PPP1R1C: variants seen among roughly 807,000 people sequenced by gnomAD.
PPP1R1C encodes the protein protein phosphatase 1 regulatory subunit 1C.
Under a neutral mutation model 17.4 loss-of-function variants are expected in PPP1R1C, and 15 were observed. The ratio of observed to expected loss-of-function variants is 0.86; its 90% CI spans 0.58 to 1.33. The LOEUF (loss-of-function observed/expected upper bound fraction) is 1.33. PPP1R1C is among the 40% of genes most tolerant of loss of function. The pLI, the probability that PPP1R1C is intolerant of heterozygous loss-of-function variation, is 0.00. For synonymous variants in PPP1R1C, 35 were observed against 43.1 expected (o/e 0.81, Z 0.73); for missense variants, 143 against 130.0 (o/e 1.10, Z -0.48).
rs555291360 is a variant in PPP1R1C at position 182,094,681 on chromosome 2, T to C, written c.242-22526T>C. Among the ~76,000 whole-genome samples, 5 of 152,294 alleles carry C rather than the reference T, an allele frequency of 3.3e-5. No homozygotes were observed. In the East Asian group the frequency reaches 5.8e-4, roughly 18 times the overall value. ...GATTTTGCCCAACTGTAGGCTAATG[T>C]AAGTGTTTAGGCTGGAGGTTGCACT... On this transcript the variant is annotated intron_variant, in intron 4 of 4. Transcript: ENST00000682840.
intron 2 of PPP1R1C, among the ~76,000 whole-genome samples, chr2:182,016,868 G>A (rs1686276681): frequency 6.6e-6 from 1 of 152,148 alleles, no homozygotes; most frequent in Admixed American, 6.5e-5. Flanking sequence ...TTAGACATCT[G>A]TTTAAGTTTT....
chr2:182,052,677 C>T (rs559572626), intron 2 of PPP1R1C, among the ~76,000 whole-genome samples: 1 of 152,166 alleles, frequency 6.6e-6, no homozygotes, highest in Non-Finnish European at 1.5e-5. Flanking sequence ...CTTCACTGCT[C>T]AACTTGCCCT....
rs1684791177 is a variant in PPP1R1C at position 181,961,380 on chromosome 2, C to G, written n.111+6746C>G. 5.6e-6 allele frequency: 4 copies of G among 717,230 alleles called. No homozygotes were observed. The highest frequency in any genetic ancestry group is 5.0e-6 in the Non-Finnish European group (2 of 396,582). 44.4% of individuals were successfully genotyped at this position (717,230 alleles called of 1,614,324 possible). On this transcript the variant is annotated intron_variant and non_coding_transcript_variant, in intron 1 of 5. Transcript: ENST00000464264. This position sits in a 1 kb window ranked among gnomAD's most constrained non-coding sequence, Gnocchi z 5.8. ...CAGCCTCCAGCTTGACCTTGATGTT[C>G]AGCAGAGCCTCGTACTCCCCGATCT... is the stretch of plus-strand genomic sequence containing the variant.
chr2:182,041,356 C>T (rs1476975812), intron 2 of PPP1R1C, among the ~76,000 whole-genome samples: 1 of 152,142 alleles, frequency 6.6e-6, no homozygotes, highest in African/African-American at 2.4e-5. Context: ...CGCCTGTAAT[C>T]CCAGCATTTT....
At chr2:181,969,685 A>T (rs78063064) in intron 1 of PPP1R1C, among the ~76,000 whole-genome samples, 2,485 of 152,232 alleles carry the variant, frequency 0.016, 59 homozygotes, top group African/African-American at 0.057. Flanking sequence ...ATTTCTTTGA[A>T]TAAACTTTCT....
chr2:182,000,848 T>A (rs890359544), intron 2 of PPP1R1C, among the ~76,000 whole-genome samples: 1 of 152,102 alleles, frequency 6.6e-6, no homozygotes, highest in African/African-American at 2.4e-5. Context: ...AAGGAATAGA[T>A]CTTGGAATTA....
At chr2:182,075,063 A>G (rs548259109) in intron 4 of PPP1R1C, among the ~76,000 whole-genome samples, 1 of 152,370 alleles carries the variant, frequency 6.6e-6, no homozygotes, top group Non-Finnish European at 1.5e-5. Context: ...TGCACAATAT[A>G]AAAATTATGT....
At position 182,090,649 on chromosome 2, in the gene PPP1R1C, G is replaced by A. The variant is rs1268012802; in HGVS notation, c.242-26558G>A. ...TAGGATAAATAAATAAAACATTCCAGATGCAATCTTCCAGCAACGACATTC... is the reference window on the plus strand; with the variant it reads ...TAGGATAAATAAATAAAACATTCCAAATGCAATCTTCCAGCAACGACATTC... On this transcript the variant is annotated intron_variant, in intron 4 of 4. Transcript: ENST00000682840. 2.0e-5 allele frequency among the ~76,000 whole-genome samples: 3 copies of A among 152,106 alleles called. No homozygotes were observed. The East Asian group carries it at 5.8e-4, about 29-fold the overall frequency.
At chr2:182,076,988 G>A (rs1688332437) in intron 4 of PPP1R1C, among the ~76,000 whole-genome samples, 2 of 152,090 alleles carry the variant, frequency 1.3e-5, no homozygotes, top group Admixed American at 1.3e-4. Flanking sequence ...CTTAGAAGAT[G>A]GTAGGCAGTG....
chr2:181,961,132 T>C lies in PPP1R1C; in HGVS notation n.111+6498T>C, dbSNP rs1684773471. The stretch of plus-strand genomic sequence containing the variant: ...GTTTTCTTGTCTTCCTTCCCTCCCT[T>C]CCTTCCTTCCTTTCACCTCTGAACT... On this transcript the variant is annotated intron_variant and non_coding_transcript_variant, in intron 1 of 5. Coordinates refer to the PPP1R1C transcript ENST00000464264. The surrounding 1 kb of genome is among the most constrained non-coding windows in gnomAD (Gnocchi z 5.8). 1 of 559,068 alleles carries C rather than the reference T, an allele frequency of 1.8e-6. No homozygotes were observed. 34.6% of individuals were successfully genotyped at this position (559,068 alleles called of 1,614,324 possible).
rs1182182904 is a variant in PPP1R1C at position 181,962,433 on chromosome 2, G to C, written n.111+7799G>C. ...TAGTTGGACACCTGGACAGAGCCCA[G>C]GAACAGGTAGTTGGTGGAGAAGATG... On this transcript the variant is annotated intron_variant and non_coding_transcript_variant, in intron 1 of 5. Transcript: ENST00000464264. This position sits in a 1 kb window ranked among gnomAD's most constrained non-coding sequence, Gnocchi z 6.0. 7.0e-6 allele frequency: 5 copies of C among 709,342 alleles called. No homozygotes were observed. Among genetic ancestry groups the C allele is most frequent in the Non-Finnish European group, 1.3e-5 (5 of 383,924 alleles). 43.9% of individuals were successfully genotyped at this position (709,342 alleles called of 1,614,324 possible). A position where few individuals can be genotyped will look rare whatever the true frequency, so the allele number is the denominator to read the frequency against.
intron 2 of PPP1R1C, among the ~76,000 whole-genome samples, chr2:182,056,230 A>T (rs747710119): frequency 2.0e-5 from 3 of 152,190 alleles, no homozygotes; most frequent in Non-Finnish European, 4.4e-5. Flanking sequence ...TTTGTCTTTC[A>T]CACGAAGTCA....
chr2:182,061,420 A>G, intron 2 of PPP1R1C, 22 bp from the exon 3 acceptor site: 1 of 1,427,534 alleles, frequency 7.0e-7, no homozygotes, highest in African/African-American at 1.5e-5. Context: ...TGCCTAATAC[A>G]TTCTACCTAC....
At chr2:181,968,689 A>G (rs979886089) in intron 1 of PPP1R1C, among the ~76,000 whole-genome samples, 98 of 152,210 alleles carry the variant, frequency 6.4e-4, no homozygotes, top group African/African-American at 2.3e-3. Context: ...GTTCTTTTAC[A>G]TTCAATGTTA....
At chr2:181,994,586 T>G (rs926034401) in intron 2 of PPP1R1C, among the ~76,000 whole-genome samples, 2 of 152,196 alleles carry the variant, frequency 1.3e-5, no homozygotes, top group African/African-American at 2.4e-5. Flanking sequence ...TTGCAAAAGA[T>G]TTCCCTGAAT....
chr2:181,956,881 T>C (rs557158849), intron 1 of PPP1R1C, among the ~76,000 whole-genome samples: 2 of 152,360 alleles, frequency 1.3e-5, no homozygotes, highest in Admixed American at 6.5e-5. Context: ...TTTAAATGTA[T>C]TATTTTTGAA....
chr2:181,977,357 T>C (rs1217494360), intron 2 of PPP1R1C, among the ~76,000 whole-genome samples: 1 of 152,040 alleles, frequency 6.6e-6, no homozygotes. Context: ...TTTCCTGGTC[T>C]TCTTACTCCT....
chr2:182,085,113 G>T (rs1688588158), intron 4 of PPP1R1C, among the ~76,000 whole-genome samples: 2 of 151,906 alleles, frequency 1.3e-5, no homozygotes, highest in South Asian at 4.2e-4. Flanking sequence ...ATACTGATTT[G>T]TGTACATTGA....
chr2:182,072,026 A>C (rs1047421255), intron 4 of PPP1R1C, among the ~76,000 whole-genome samples: 1 of 152,196 alleles, frequency 6.6e-6, no homozygotes, highest in African/African-American at 2.4e-5. Flanking sequence ...GTATTCTACA[A>C]AATATATGTG....
Sources: allele counts gnomAD v4.1 joint callset (sites outside exome capture counted in the v4.1 genomes callset), GRCh38; gene constraint gnomAD v4.1.1; non-coding constraint Gnocchi (gnomAD v3.1); transcripts MANE v1.5; gene names NCBI Gene and HGNC (gene_info 2026-07-23, HGNC 2026-07-21).